CLIC4: variants seen among roughly 807,000 people sequenced by gnomAD.
CLIC4 encodes the protein CLIC family member 4, also known as chloride intracellular channel protein 4.
In CLIC4, 13 loss-of-function variants were observed where a neutral mutation model predicts 24.6. That is an observed-to-expected ratio of 0.53 (90% CI 0.34 to 0.84). The LOEUF is 0.84. CLIC4 is among the 40% of genes least tolerant of loss of function. CLIC4 has a pLI of 0.01. For missense variants in CLIC4, 227 were observed against 301.7 expected, an observed-to-expected ratio of 0.75 and a Z score of 1.83; for synonymous variants, 104 against 111.3, an observed-to-expected ratio of 0.93 and a Z score of 0.41.
At chr1:24,795,666 G>T (rs916574520) in intron 1 of CLIC4, among the ~76,000 whole-genome samples, 2 of 152,190 alleles carry the variant, frequency 1.3e-5, no homozygotes, top group African/African-American at 4.8e-5. Context: ...CACCTCCCGG[G>T]TTCAAGCAAT....
intron 1 of CLIC4, among the ~76,000 whole-genome samples, chr1:24,754,772 TAAG>T (rs1355687288): frequency 1.3e-5 from 2 of 151,898 alleles, no homozygotes; most frequent in African/African-American, 2.4e-5. Flanking sequence ...GTATAAGAAA[TAAG>T]AAATAACAAT....
At chr1:24,812,073 T>A (rs1041312565) in intron 2 of CLIC4, among the ~76,000 whole-genome samples, 2 of 152,230 alleles carry the variant, frequency 1.3e-5, no homozygotes, top group Non-Finnish European at 2.9e-5. Flanking sequence ...TTTATAGTTG[T>A]GCTATTTTAC....
At chr1:24,775,557 T>C (rs911990190) in intron 1 of CLIC4, among the ~76,000 whole-genome samples, 30 of 151,582 alleles carry the variant, frequency 2.0e-4, no homozygotes, top group African/African-American at 7.0e-4. Flanking sequence ...TTTCTCTTTC[T>C]TTCTCTTTCC....
intron 1 of CLIC4, among the ~76,000 whole-genome samples, chr1:24,750,707 T>C (rs993057438): frequency 1.3e-5 from 2 of 152,116 alleles, no homozygotes; most frequent in Non-Finnish European, 2.9e-5. Flanking sequence ...TTACTAATTG[T>C]GTATCCCAGG....
At chr1:24,801,230 G>C (rs1639486978) in intron 2 of CLIC4, among the ~76,000 whole-genome samples, 1 of 152,156 alleles carries the variant, frequency 6.6e-6, no homozygotes, top group Admixed American at 6.5e-5. Context: ...CTGAGACTGG[G>C]TAATTCATAA....
rs1210375907 is a variant in CLIC4, at chr1:24,820,239, A to G, written c.308+6020A>G. On this transcript the variant is annotated intron_variant, in intron 3 of 5. Coordinates refer to ENST00000374379, the MANE Select transcript of CLIC4 (RefSeq NM_013943.3). ...AAGTGGGACCACAGGCATGCACCCT[A>G]TGTCCCACTTCTAGGTCCCTTTTTG... 6.8e-5 allele frequency among the ~76,000 whole-genome samples: 7 copies of G among 103,610 alleles called. 1 individual carries two copies. Among genetic ancestry groups the G allele is most frequent in the South Asian group, 6.4e-4 (2 of 3,134 alleles). 68.0% of individuals were successfully genotyped at this position (103,610 alleles called of 152,430 possible).
intron 3 of CLIC4, among the ~76,000 whole-genome samples, chr1:24,822,633 GCC>G (rs1421935697): frequency 6.6e-6 from 1 of 152,110 alleles, no homozygotes; most frequent in African/African-American, 2.4e-5. Flanking sequence ...CACAGTGCCT[GCC>G]CTTACTTAAT....
In CLIC4 at chr1:24,753,046, G is replaced by A. The variant is rs376453556; in HGVS notation, c.72+7421G>A. Reference sequence around the variant, plus strand: ...TAATAGTATATTATTTTTAAATGTGGGCTCTATTAGTAGGATCAGGGAGTT... The same window carrying A: ...TAATAGTATATTATTTTTAAATGTGAGCTCTATTAGTAGGATCAGGGAGTT... On this transcript the variant is annotated intron_variant, in intron 1 of 5. Transcript: ENST00000374379. 6.6e-5 allele frequency among the ~76,000 whole-genome samples: 10 copies of A among 152,206 alleles called. No individual in the cohort carries two copies. The East Asian group carries it at 1.9e-3, about 29-fold the overall frequency.
chr1:24,773,827 A>G (rs1002188853), intron 1 of CLIC4, among the ~76,000 whole-genome samples: 3 of 151,900 alleles, frequency 2.0e-5, no homozygotes, highest in Non-Finnish European at 4.4e-5. Context: ...CAAAACTCCC[A>G]GCTTCAAGTG....
At chr1:24,798,809 C>T (rs1045384130) in intron 2 of CLIC4, among the ~76,000 whole-genome samples, 5 of 152,212 alleles carry the variant, frequency 3.3e-5, no homozygotes, top group Non-Finnish European at 7.4e-5. Context: ...GCACGCGCCG[C>T]CACGCCTGAC....
At chr1:24,757,465 C>T (rs1305205901) in intron 1 of CLIC4, among the ~76,000 whole-genome samples, 7 of 152,026 alleles carry the variant, frequency 4.6e-5, no homozygotes, top group South Asian at 4.1e-4. Flanking sequence ...ATGGACCAGG[C>T]GTGGTGGCAC....
chr1:24,806,942 T>G (rs1377292931), intron 2 of CLIC4, among the ~76,000 whole-genome samples: 5 of 152,190 alleles, frequency 3.3e-5, no homozygotes, highest in Non-Finnish European at 7.3e-5. Flanking sequence ...AGCCAGTCCC[T>G]TTTCTTCAGC....
intron 1 of CLIC4, among the ~76,000 whole-genome samples, chr1:24,767,848 TATATA>T (rs1244048497): frequency 4.0e-5 from 6 of 151,112 alleles, no homozygotes; most frequent in Non-Finnish European, 7.4e-5. Context: ...ATTATATATA[TATATA>T]TTTTTTTTGG....
chr1:24,750,084 A>G (rs192905096), intron 1 of CLIC4, among the ~76,000 whole-genome samples: 2 of 152,288 alleles, frequency 1.3e-5, no homozygotes, highest in East Asian at 3.9e-4. Context: ...CTCTAAATAA[A>G]TAAGTAAGTA....
At chr1:24,806,631 C>G (rs888272442) in intron 2 of CLIC4, among the ~76,000 whole-genome samples, 1 of 152,106 alleles carries the variant, frequency 6.6e-6, no homozygotes, top group Non-Finnish European at 1.5e-5. Flanking sequence ...ATATATGACT[C>G]TAAATTAATC....
intron 1 of CLIC4, among the ~76,000 whole-genome samples, chr1:24,752,675 A>C (rs1362865563): frequency 2.0e-5 from 3 of 152,196 alleles, no homozygotes; most frequent in Non-Finnish European, 4.4e-5. Flanking sequence ...CTTTAGGAAG[A>C]GTGCTTGACA....
intron 1 of CLIC4, among the ~76,000 whole-genome samples, chr1:24,794,351 G>GTTTTTTTTTT (rs767444585): frequency 7.6e-6 from 1 of 130,850 alleles, no homozygotes; most frequent in Non-Finnish European, 1.7e-5. Context: ...GCCAGCATCT[G>GTTTTTTTTTT]TTTTTTTTTT....
intron 1 of CLIC4, among the ~76,000 whole-genome samples, chr1:24,785,462 A>C (rs1639255681): frequency 6.6e-6 from 1 of 152,242 alleles, no homozygotes; most frequent in African/African-American, 2.4e-5. Flanking sequence ...GTGTGATTCT[A>C]AACTGTGGTT....
chr1:24,837,620 A>G (rs1188902291), intron 4 of CLIC4, among the ~76,000 whole-genome samples: 4 of 152,238 alleles, frequency 2.6e-5, no homozygotes, highest in South Asian at 2.1e-4. Context: ...TTTCTTTAAT[A>G]TAGATGCAAA....
Sources: allele counts gnomAD v4.1 joint callset (sites outside exome capture counted in the v4.1 genomes callset), GRCh38; gene constraint gnomAD v4.1.1; transcripts MANE v1.5; gene names NCBI Gene and HGNC (gene_info 2026-07-23, HGNC 2026-07-21).